WDFY4: variants seen among roughly 807,000 people sequenced by gnomAD.
WDFY4 encodes the protein WDFY family member 4.
WDFY4 carries 169 observed loss-of-function variants against 351.9 expected under a neutral mutation model. The observed-to-expected ratio is 0.48, with a 90% CI of 0.42 to 0.55. The LOEUF (loss-of-function observed/expected upper bound fraction) is 0.55, where lower values mean the gene tolerates loss of function less well. WDFY4 is among the 20% of genes least tolerant of loss of function. The pLI is 0.00. For missense variants in WDFY4, 3,803 were observed against 3,935.6 expected (o/e 0.97, Z 0.90); for synonymous variants, 1,622 against 1,574.6 (o/e 1.03, Z -0.71).
At chr10:48,823,789 A>G in intron 35 of WDFY4, 1 of 989,204 alleles carries the variant, frequency 1.0e-6, no homozygotes, top group South Asian at 4.6e-5. Context: ...GGCTCCCCAC[A>G]TATCCACCAG....
intron 40 of WDFY4, among the ~76,000 whole-genome samples, chr10:48,871,922 T>C (rs2069799280): frequency 6.6e-6 from 1 of 152,256 alleles, no homozygotes; most frequent in African/African-American, 2.4e-5. Flanking sequence ...TTACTTAAGC[T>C]GAGTAAGGTA....
At chr10:48,876,370 T>G (rs1042649425) in intron 42 of WDFY4, among the ~76,000 whole-genome samples, 3 of 152,222 alleles carry the variant, frequency 2.0e-5, no homozygotes, top group African/African-American at 7.2e-5. Context: ...CTACCTCTAG[T>G]TCTTAGAAGC....
chr10:48,817,167 C>T, intron 31 of WDFY4, 78 bp from the exon 32 acceptor site: 1 of 1,490,124 alleles, frequency 6.7e-7, no homozygotes, highest in East Asian at 2.5e-5. Flanking sequence ...AATCTTCTCC[C>T]TAGACCTCAG....
At chr10:48,922,921 A>C (rs996999201) in intron 47 of WDFY4, among the ~76,000 whole-genome samples, 1 of 152,156 alleles carries the variant, frequency 6.6e-6, no homozygotes, top group African/African-American at 2.4e-5. Context: ...GTCACAAGTG[A>C]GTTTTCTGGG....
intron 2 of WDFY4, among the ~76,000 whole-genome samples, chr10:48,716,971 G>A (rs757211355): frequency 2.0e-5 from 3 of 152,340 alleles, no homozygotes; most frequent in Middle Eastern, 3.4e-3. Flanking sequence ...GCAGCTATAA[G>A]TTTCGTAGAT....
Position 48,822,501 on chromosome 10 carries a change from G to T in WDFY4, c.5946G>T (p.Arg1982Ser), listed in dbSNP as rs1367359148. 1 of 1,549,094 alleles carries T rather than the reference G, an allele frequency of 6.5e-7. No individual in the cohort carries two copies. Among genetic ancestry groups the T allele is most frequent in the South Asian group, 1.2e-5 (1 of 83,348 alleles). ...GTGGGATGTTCTCGGCAGACCCCAG[G>T]CATATCCTCCTCTTCATCCTGGAGC... ...LYSGMFSADP[R>S]HILLFILEHI... Residue 1982 changes from arginine to serine, a missense_variant, in exon 35 of 62, where the codon AGG becomes AGT. Arg to Ser is a moderately radical substitution (Grantham distance 110). Coordinates refer to ENST00000325239, the MANE Select transcript of WDFY4 (RefSeq NM_001394531.1).
intron 20 of WDFY4, among the ~76,000 whole-genome samples, chr10:48,787,899 T>C (rs1028873651): frequency 2.1e-4 from 6 of 28,430 alleles, no homozygotes; most frequent in Admixed American, 3.3e-4. Context: ...TTCTCCTTCT[T>C]CTTCTTCTTC....
At chr10:48,716,284 A>T (rs1007449142) in intron 2 of WDFY4, among the ~76,000 whole-genome samples, 2 of 152,184 alleles carry the variant, frequency 1.3e-5, no homozygotes, top group South Asian at 4.1e-4. Context: ...TTTGTCATTC[A>T]AAAGCTGGGT....
In WDFY4 at chr10:48,875,157, T is replaced by C. The variant is rs1484539951; in HGVS notation, c.7000+17T>C. 11 of 1,383,222 alleles carry C rather than the reference T, an allele frequency of 8.0e-6. No individual in the cohort carries two copies. The East Asian group carries it at 2.8e-4, about 36-fold the overall frequency. 85.7% of individuals were successfully genotyped at this position (1,383,222 alleles called of 1,614,324 possible). The stretch of plus-strand genomic sequence containing the variant: ...AAAACCAAGGTATTCAGTTTATCTA[T>C]TTTTTCCTTTAATAGTTAAGCTAAT... On this transcript the variant is annotated intron_variant, in intron 42 of 61. Transcript: ENST00000325239.
intron 39 of WDFY4, among the ~76,000 whole-genome samples, chr10:48,847,226 A>C (rs1248509030): frequency 6.6e-6 from 1 of 152,038 alleles, no homozygotes. Flanking sequence ...TCTGTACATG[A>C]CCGTGTCCTC....
intron 39 of WDFY4, among the ~76,000 whole-genome samples, chr10:48,845,790 A>T (rs1564411832): frequency 6.6e-6 from 1 of 151,196 alleles, no homozygotes; most frequent in Non-Finnish European, 1.5e-5. Flanking sequence ...TCATAGAAGA[A>T]AGTCAATTCC....
chr10:48,959,228 T>A (rs897146738), intron 52 of WDFY4, among the ~76,000 whole-genome samples: 3 of 152,212 alleles, frequency 2.0e-5, no homozygotes, highest in African/African-American at 7.2e-5. Flanking sequence ...CTTGCTGTCC[T>A]CGCCTTAAAA....
At chr10:48,736,134 G>T (rs1057407140) in intron 11 of WDFY4, 64 bp downstream of exon 11, 2 of 1,536,312 alleles carry the variant, frequency 1.3e-6, no homozygotes, top group African/African-American at 1.4e-5. Context: ...ATCCACATTT[G>T]CTCAGGCATT....
At chr10:48,968,909 CTG>C in intron 55 of WDFY4, 153 bp from the exon 56 acceptor site, 1 of 719,158 alleles carries the variant, frequency 1.4e-6, no homozygotes, top group South Asian at 1.8e-5. Flanking sequence ...GTGTGTCTGC[CTG>C]TCACTCCTGC....
At chr10:48,931,948 T>A (rs984513483) in intron 47 of WDFY4, among the ~76,000 whole-genome samples, 2 of 152,180 alleles carry the variant, frequency 1.3e-5, no homozygotes, top group Admixed American at 1.3e-4. Flanking sequence ...CACATGTTAG[T>A]CATGCCGGCT....
chr10:48,793,069 G>T (rs2066736169), intron 23 of WDFY4, among the ~76,000 whole-genome samples: 1 of 152,238 alleles, frequency 6.6e-6, no homozygotes, highest in African/African-American at 2.4e-5. Context: ...TTTCCAGGAA[G>T]AGATGGTAGA....
At chr10:48,862,034 A>G (rs1337182710) in intron 39 of WDFY4, among the ~76,000 whole-genome samples, 1 of 152,134 alleles carries the variant, frequency 6.6e-6, no homozygotes, top group Non-Finnish European at 1.5e-5. Context: ...TGTTCTATTT[A>G]TTAACAGAGG....
intron 47 of WDFY4, among the ~76,000 whole-genome samples, chr10:48,916,951 A>T (rs1301548972): frequency 1.3e-5 from 2 of 151,894 alleles, no homozygotes; most frequent in African/African-American, 2.4e-5. Context: ...TCAATGACAG[A>T]TTGCATATAT....
At chr10:48,879,887 C>G (rs1354636971) in intron 43 of WDFY4, among the ~76,000 whole-genome samples, 1 of 152,176 alleles carries the variant, frequency 6.6e-6, no homozygotes, top group East Asian at 1.9e-4. Context: ...GCCTCCCGCT[C>G]CCCCAACACC....
Sources: allele counts gnomAD v4.1 joint callset (sites outside exome capture counted in the v4.1 genomes callset), GRCh38; gene constraint gnomAD v4.1.1; transcripts MANE v1.5; gene names NCBI Gene and HGNC (gene_info 2026-07-23, HGNC 2026-07-21).